MED6: variants seen among roughly 807,000 people sequenced by gnomAD.
The protein encoded by MED6 is mediator of RNA polymerase II transcription subunit 6.
Under a neutral mutation model 37.5 loss-of-function variants are expected in MED6, and 33 were observed. The ratio of observed to expected loss-of-function variants is 0.88; its 90% CI spans 0.67 to 1.18. The LOEUF is 1.18. Among genes scored for constraint, MED6 ranks in the 50% most tolerant of loss-of-function variants. MED6 has a pLI of 0.00. For missense variants in MED6, 235 were observed against 290.6 expected (o/e 0.81, Z 1.39); for synonymous variants, 94 against 93.6 (o/e 1.00, Z -0.02).
chr14:70,585,465 C>A (rs1884676509), intron 7 of MED6, among the ~76,000 whole-genome samples: 1 of 152,080 alleles, frequency 6.6e-6, no homozygotes, highest in Non-Finnish European at 1.5e-5. Flanking sequence ...CAAGACTGTT[C>A]AACCCACCGC....
intron 3 of MED6, chr14:70,595,175 G>A (rs1359318492): frequency 3.7e-6 from 2 of 536,296 alleles, no homozygotes; most frequent in African/African-American, 3.8e-5. Flanking sequence ...AGGAGGAGCT[G>A]CTCTTCATGA....
intron 2 of MED6, among the ~76,000 whole-genome samples, chr14:70,597,012 A>C (rs1299333077): frequency 6.6e-6 from 1 of 152,252 alleles, no homozygotes; most frequent in Admixed American, 6.5e-5. Context: ...TCAAAATGCC[A>C]TGATGCTTCC....
chr14:70,592,849 T>C (rs746360652), intron 5 of MED6, 31 bp downstream of exon 5: 2 of 1,607,034 alleles, frequency 1.2e-6, no homozygotes, highest in South Asian at 1.1e-5. Flanking sequence ...GATCAAAAAG[T>C]GTTTTAGGAG....
At position 70,585,080 on chromosome 14, in the gene MED6, G is replaced by T. The variant is rs1884664677; in HGVS notation, c.611-137C>A. On this transcript the variant is annotated intron_variant, in intron 7 of 7. Transcript: ENST00000256379. ...AGTTCTAGATCTAGCTGTTTCCCCA[G>T]GCAGATGTATACAAGAACCCAGTTA... 2.1e-5 allele frequency: 22 copies of T among 1,041,764 alleles called. No individual in the cohort carries two copies. In the South Asian group the frequency reaches 3.2e-4, roughly 15 times the overall value. The allele number at this position is 1,041,764 out of a possible 1,614,324, so 64.5% of individuals were successfully genotyped here. A position where few individuals can be genotyped will look rare whatever the true frequency, so the allele number is the denominator to read the frequency against.
intron 7 of MED6, 139 bp from the exon 8 acceptor site, chr14:70,585,082 C>T (rs1884664762): frequency 2.0e-6 from 2 of 997,800 alleles, no homozygotes; most frequent in Non-Finnish European, 2.9e-6. Flanking sequence ...TTTCCCCAGG[C>T]AGATGTATAC....
rs774948189 is a variant in MED6, at chr14:70,596,702, AC to A, written c.183-1del. Reference sequence around the variant, plus strand: ...GGATGTACTCGATTCCAACCATCTGACTGAAAACAGAACACAGACATCCAAA... The same window carrying A: ...GGATGTACTCGATTCCAACCATCTGATGAAAACAGAACACAGACATCCAAA... On this transcript the variant is annotated splice_acceptor_variant, in intron 2 of 7. Coordinates refer to ENST00000256379, the MANE Select transcript of MED6 (RefSeq NM_005466.4). LOFTEE classifies it high-confidence loss of function. 16 of 1,611,024 alleles carry A rather than the reference AC, an allele frequency of 9.9e-6. No homozygotes were observed. Among genetic ancestry groups the A allele is most frequent in the Non-Finnish European group, 1.3e-5 (15 of 1,177,464 alleles).
chr14:70,585,032 T>A, intron 7 of MED6, 89 bp from the exon 8 acceptor site: 1 of 1,417,176 alleles, frequency 7.1e-7, no homozygotes, highest in Non-Finnish European at 9.6e-7. Flanking sequence ...CATTTTCAAA[T>A]TCATTTTTAA....
chr14:70,591,982 A>C (rs1005608821), intron 5 of MED6, among the ~76,000 whole-genome samples: 1 of 152,218 alleles, frequency 6.6e-6, no homozygotes, highest in African/African-American at 2.4e-5. Flanking sequence ...GATTCCAGAT[A>C]AGTGTTACTC....
At chr14:70,599,534 G>A (rs1186606096) in intron 1 of MED6, among the ~76,000 whole-genome samples, 1 of 152,146 alleles carries the variant, frequency 6.6e-6, no homozygotes, top group African/African-American at 2.4e-5. Context: ...TTTACTCAGA[G>A]GAAAAGCCAA....
At chr14:70,590,101 A>G (rs1231341233) in intron 6 of MED6, among the ~76,000 whole-genome samples, 1 of 152,238 alleles carries the variant, frequency 6.6e-6, no homozygotes, top group East Asian at 1.9e-4. Context: ...CAGTATGTAT[A>G]CTGCACTTAC....
chr14:70,598,990 T>G (rs941047438), intron 1 of MED6, among the ~76,000 whole-genome samples: 1 of 152,238 alleles, frequency 6.6e-6, no homozygotes, highest in Non-Finnish European at 1.5e-5. Flanking sequence ...TAAAAAGACA[T>G]GATAGAGCTA....
intron 6 of MED6, among the ~76,000 whole-genome samples, chr14:70,587,918 G>A (rs1475502554): frequency 6.6e-6 from 1 of 152,226 alleles, no homozygotes; most frequent in Non-Finnish European, 1.5e-5. Context: ...GAGCTTCAAA[G>A]AAGCAGACAG....
chr14:70,588,560 C>G (rs1437090499), intron 6 of MED6, among the ~76,000 whole-genome samples: 2 of 151,914 alleles, frequency 1.3e-5, no homozygotes, highest in Non-Finnish European at 2.9e-5. Flanking sequence ...GTGGCAGGTG[C>G]CTGTAGTCCC....
Position 70,600,379 on chromosome 14 carries a change from A to G in MED6, c.22+237T>C, listed in dbSNP as rs372807461. 2.0e-3 allele frequency among the ~76,000 whole-genome samples: 295 copies of G among 151,088 alleles called. 1 individual carries two copies. The highest frequency in any genetic ancestry group is 6.8e-3 in the African/African-American group (280 of 41,046). On this transcript the variant is annotated intron_variant, in intron 1 of 7. Transcript: ENST00000256379. Reference sequence around the variant, plus strand: ...AAAACTCCAGCTCTGAAAGCTCAAAACCCAGAGCTTCTTCCAACCCCTTCT... The same window carrying G: ...AAAACTCCAGCTCTGAAAGCTCAAAGCCCAGAGCTTCTTCCAACCCCTTCT...
At chr14:70,597,597 C>T (rs1007402) in intron 2 of MED6, 21 bp downstream of exon 2, 351,734 of 1,429,604 alleles carry the variant, frequency 0.25, 52,163 homozygotes, top group African/African-American at 0.63. Context: ...GAAAAAGTGC[C>T]ACCTTCTTAA....
At chr14:70,599,499 G>A (rs1403898219) in intron 1 of MED6, among the ~76,000 whole-genome samples, 3 of 152,074 alleles carry the variant, frequency 2.0e-5, no homozygotes, top group Non-Finnish European at 2.9e-5. Flanking sequence ...TTCCTCTGAT[G>A]GAAACCCCTC....
At chr14:70,600,340 T>C (rs1181917708) in intron 1 of MED6, among the ~76,000 whole-genome samples, 1 of 151,712 alleles carries the variant, frequency 6.6e-6, no homozygotes, top group East Asian at 1.9e-4. Flanking sequence ...GTTGCAGAGA[T>C]ACGTGTGTAG....
At chr14:70,600,532 A>C in intron 1 of MED6, 84 bp downstream of exon 1, 1 of 1,486,100 alleles carries the variant, frequency 6.7e-7, no homozygotes, top group Middle Eastern at 1.7e-4. Context: ...CACACAAAGG[A>C]ACCTAAACCT....
chr14:70,594,453 G>T, intron 3 of MED6: 1 of 274,396 alleles, frequency 3.6e-6, no homozygotes, highest in Non-Finnish European at 7.2e-6. Flanking sequence ...CATGCATTTT[G>T]TAAAAGAATT....
Sources: gnomAD v4.1 joint callset for allele counts (sites outside exome capture counted in the v4.1 genomes callset) on GRCh38, gnomAD v4.1.1 for gene constraint, MANE v1.5 for transcripts, NCBI Gene and HGNC (gene_info 2026-07-23, HGNC 2026-07-21) for gene names.